Variants in ITGA5 observed in about 807,000 individuals in gnomAD.
ITGA5 encodes the protein integrin subunit alpha 5, also known as integrin alpha-5.
Under a neutral mutation model 146.3 loss-of-function variants are expected in ITGA5, and 55 were observed. That is an observed-to-expected ratio of 0.38 (90% CI 0.30 to 0.47). ITGA5 has a LOEUF of 0.47. ITGA5 is among the 20% of genes least tolerant of loss of function. The pLI is 0.99. For synonymous variants in ITGA5, 500 were observed against 531.8 expected (o/e 0.94, Z 0.82); for missense variants, 1,131 against 1,329.0 (o/e 0.85, Z 2.32).
At position 54,403,453 on chromosome 12, in the gene ITGA5, C is replaced by G. The variant is rs566925926; in HGVS notation, c.1777-129G>C. On this transcript the variant is annotated intron_variant, in intron 17 of 29. Transcript: ENST00000293379. This position sits in a 1 kb window ranked among gnomAD's most constrained non-coding sequence, Gnocchi z 4.9. ...CCGACCATCCTCATTGTTTCAGAGG[C>G]CCTGGCAGCCTGCTTCCCAGCTCCT... 26 of 1,295,066 alleles carry G rather than the reference C, an allele frequency of 2.0e-5. No individual in the cohort carries two copies. The African/African-American group carries it at 2.5e-4, about 13-fold the overall frequency. The allele number at this position is 1,295,066 out of a possible 1,614,324, so 80.2% of individuals were successfully genotyped here. A position where few individuals can be genotyped will look rare whatever the true frequency, so the allele number is the denominator to read the frequency against.
intron 1 of ITGA5, chr12:54,413,347 T>G (rs1955970417): frequency 2.0e-5 from 3 of 148,462 alleles, no homozygotes; most frequent in Admixed American, 6.7e-5. Context: ...TGAGGGCCAG[T>G]GGTGAGAATG....
chr12:54,407,719 C>T, intron 8 of ITGA5, 27 bp from the exon 9 acceptor site: 2 of 1,612,504 alleles, frequency 1.2e-6, no homozygotes, highest in Non-Finnish European at 1.7e-6. Flanking sequence ...AAGTTGTGAC[C>T]TAAGGGTGGG....
At chr12:54,404,575 G>A in intron 13 of ITGA5, 100 bp from the exon 14 acceptor site, 1 of 1,510,134 alleles carries the variant, frequency 6.6e-7, no homozygotes, top group Middle Eastern at 1.7e-4. Flanking sequence ...GTTGAAGTGA[G>A]AAGACAGCGC....
chr12:54,398,815 G>GTCTC (rs1159083862), intron 27 of ITGA5, 117 bp from the exon 28 acceptor site: 48 of 443,366 alleles, frequency 1.1e-4, no homozygotes, highest in Non-Finnish European at 1.5e-4. Context: ...TTCTTCCTGA[G>GTCTC]TCTCTCTCTC....
At chr12:54,407,464 C>G in intron 9 of ITGA5, 185 bp downstream of exon 9, 1 of 639,858 alleles carries the variant, frequency 1.6e-6, no homozygotes, top group South Asian at 1.8e-5. Flanking sequence ...AGAGGTTCAG[C>G]AGGAAGCAGA....
chr12:54,397,334 GT>G, intron 29 of ITGA5, 30 bp downstream of exon 29: 8 of 1,613,020 alleles, frequency 5.0e-6, no homozygotes, highest in Non-Finnish European at 6.8e-6. Context: ...TGATGAGAGG[GT>G]GGCCAAGTCA....
In ITGA5 at chr12:54,403,671, T is replaced by C; in HGVS notation, c.1730A>G (p.Gln577Arg). The change falls in exon 17 of 30, where the codon CAG becomes CGG. Residue 577 changes from glutamine (Q) to arginine (R), a missense_variant. Gln to Arg is a conservative substitution (Grantham distance 43, BLOSUM62 1). Coordinates refer to ENST00000293379, the MANE Select transcript of ITGA5 (RefSeq NM_002205.5). The surrounding 1 kb of genome is among the most constrained non-coding windows in gnomAD (Gnocchi z 4.9). ...QATLTQTLLI[Q>R]NGAREDCREM... Reference sequence around the variant, plus strand: ...TCTGCAATCCTCTCGAGCCCCATTCTGGATGAGCAGGGTCTGGGTCAGGGT... The same window carrying C: ...TCTGCAATCCTCTCGAGCCCCATTCCGGATGAGCAGGGTCTGGGTCAGGGT... The C allele has an allele frequency of 6.2e-7, 1 of 1,614,172 alleles. No homozygotes were observed. Among genetic ancestry groups the C allele is most frequent in the Non-Finnish European group, 8.5e-7 (1 of 1,180,040 alleles).
intron 28 of ITGA5, among the ~76,000 whole-genome samples, chr12:54,397,902 A>ATTT (rs774468803): frequency 7.2e-6 from 1 of 139,230 alleles, no homozygotes; most frequent in Admixed American, 7.1e-5. Flanking sequence ...TATCATATCC[A>ATTT]TTTTTTTTTT....
chr12:54,407,589 C>G lies in ITGA5; in HGVS notation c.906+60G>C, dbSNP rs962689893. On this transcript the variant is annotated intron_variant, in intron 9 of 29. Coordinates refer to ENST00000293379, the MANE Select transcript of ITGA5 (RefSeq NM_002205.5). ...TTTTGAGCCCTTGCAAACTGCCATGCACGGTTCTTTGTGATTAGGCAGGGG... is the reference window on the plus strand; with the variant it reads ...TTTTGAGCCCTTGCAAACTGCCATGGACGGTTCTTTGTGATTAGGCAGGGG... The G allele has an allele frequency of 2.3e-5, 33 of 1,432,084 alleles. No homozygotes were observed. The South Asian group carries it at 3.4e-4, about 15-fold the overall frequency. 88.7% of individuals were successfully genotyped at this position (1,432,084 alleles called of 1,614,324 possible).
Position 54,401,618 on chromosome 12 carries a change from G to A in ITGA5, c.2354C>T (p.Ser785Phe), listed in dbSNP as rs1565638922. 1 of 1,614,182 alleles carries A rather than the reference G, an allele frequency of 6.2e-7. No individual in the cohort carries two copies. Residue 785 changes from serine (S) to phenylalanine (F), a missense_variant, in exon 23 of 30, where the codon TCC becomes TTC. This residue lies in a region of ITGA5 where 889 missense variants were observed against 1,021.5 expected (regional missense o/e 0.87). Transcript: ENST00000293379. The surrounding 1 kb of genome is among the most constrained non-coding windows in gnomAD (Gnocchi z 5.0). Reference sequence around the variant, plus strand: ...GGTGACCTGGGCCTGAGCCTCCACGGAGAGCCGAAAGGAAACCACGTCGCT... The same window carrying A: ...GGTGACCTGGGCCTGAGCCTCCACGAAGAGCCGAAAGGAAACCACGTCGCT... ...SQSDVVSFRL[S>F]VEAQAQVTLN... is the part of the protein sequence containing the mutation.
chr12:54,414,939 G>A (rs905018087), intron 1 of ITGA5, among the ~76,000 whole-genome samples: 1 of 151,796 alleles, frequency 6.6e-6, no homozygotes, highest in Non-Finnish European at 1.5e-5. Flanking sequence ...ACCTGAGGTC[G>A]GGAGTTTGAG....
At chr12:54,396,584 A>G (rs1252098146) in intron 29 of ITGA5, among the ~76,000 whole-genome samples, 4 of 152,220 alleles carry the variant, frequency 2.6e-5, no homozygotes, top group Admixed American at 6.5e-5. Flanking sequence ...TATGGGGGGT[A>G]TCTTTTACCA....
At chr12:54,399,801 T>C in intron 26 of ITGA5, 43 bp from the exon 27 acceptor site, 1 of 1,607,094 alleles carries the variant, frequency 6.2e-7, no homozygotes, top group Non-Finnish European at 8.5e-7. Flanking sequence ...GCCCTTGTGA[T>C]GGCCCTGAGA....
At chr12:54,414,226 C>A (rs115176288) in intron 1 of ITGA5, among the ~76,000 whole-genome samples, 1 of 152,216 alleles carries the variant, frequency 6.6e-6, no homozygotes, top group Non-Finnish European at 1.5e-5. Flanking sequence ...CCTGCCAACA[C>A]GCCAAGTGAG....
chr12:54,414,079 A>C (rs1168405018), intron 1 of ITGA5, among the ~76,000 whole-genome samples: 1 of 152,248 alleles, frequency 6.6e-6, no homozygotes, highest in Non-Finnish European at 1.5e-5. Flanking sequence ...GCGATGGTTC[A>C]GGATACCTGG....
In ITGA5 at chr12:54,398,707, A is replaced by T; in HGVS notation, c.2842-9T>A. On this transcript the variant is annotated splice_polypyrimidine_tract_variant and intron_variant, in intron 27 of 29. Coordinates refer to ENST00000293379, the MANE Select transcript of ITGA5 (RefSeq NM_002205.5). ...AATGGCTGGTGCTCCCGCTGTGGGTAGGGGAAAGTTGGTTAGCACATCCTC... is the reference window on the plus strand; with the variant it reads ...AATGGCTGGTGCTCCCGCTGTGGGTTGGGGAAAGTTGGTTAGCACATCCTC... 1.3e-6 allele frequency: 2 copies of T among 1,587,294 alleles called. No homozygotes were observed. The highest frequency in any genetic ancestry group is 2.3e-5 in the East Asian group (1 of 42,562).
chr12:54,408,675 A>T (rs1472944852), intron 6 of ITGA5, 81 bp downstream of exon 6: 27 of 1,309,202 alleles, frequency 2.1e-5, no homozygotes, highest in Non-Finnish European at 2.9e-5. Context: ...GTGCCACTGC[A>T]CTCCAGCCTG....
chr12:54,416,567 G>A lies in ITGA5; in HGVS notation c.218+2414C>T, dbSNP rs1370320478. 5.3e-5 allele frequency among the ~76,000 whole-genome samples: 8 copies of A among 152,334 alleles called. No individual in the cohort carries two copies. The highest frequency in any genetic ancestry group is 1.7e-4 in the African/African-American group (7 of 41,570). ...GGAACTAGGCGGTAGCCAGGAAGGA[G>A]AGAACCAGAAACAGAAACAGCTACC... is the stretch of plus-strand genomic sequence containing the variant. On this transcript the variant is annotated intron_variant, in intron 1 of 29. Coordinates refer to ENST00000293379, the MANE Select transcript of ITGA5 (RefSeq NM_002205.5). The surrounding 1 kb of genome is among the most constrained non-coding windows in gnomAD (Gnocchi z 4.1).
At position 54,399,857 on chromosome 12, in the gene ITGA5, G is replaced by A. The variant is rs747414660; in HGVS notation, c.2727+7C>T. 1 of 1,613,698 alleles carries A rather than the reference G, an allele frequency of 6.2e-7. No individual in the cohort carries two copies. Among genetic ancestry groups the A allele is most frequent in the South Asian group, 1.1e-5 (1 of 91,080 alleles). ...TTGGTCCACACCTCATTCCCTGCCT[G>A]ACTTACCAGGATCTGAGGTCCCGAG... On this transcript the variant is annotated splice_region_variant and intron_variant, in intron 26 of 29. Transcript: ENST00000293379.
Sources: allele counts gnomAD v4.1 joint callset (sites outside exome capture counted in the v4.1 genomes callset), GRCh38; gene constraint gnomAD v4.1.1; regional missense constraint gnomAD v4.1.1; non-coding constraint Gnocchi (gnomAD v3.1); transcripts MANE v1.5; gene names NCBI Gene and HGNC (gene_info 2026-07-23, HGNC 2026-07-21).